SYT1: variants seen among roughly 807,000 people sequenced by gnomAD.
SYT1 encodes the protein synaptotagmin-1.
SYT1 carries 8 observed loss-of-function variants against 44.8 expected under a neutral mutation model. That is an observed-to-expected ratio of 0.18 (90% CI 0.10 to 0.32). The LOEUF (loss-of-function observed/expected upper bound fraction) is 0.32, where lower values mean the gene tolerates loss of function less well. Among genes scored for constraint, SYT1 ranks in the 10% least tolerant of loss-of-function variants. SYT1 has a pLI of 1.00. For synonymous variants in SYT1, 154 were observed against 188.8 expected, an observed-to-expected ratio of 0.82 and a Z score of 1.51; for missense variants, 286 against 509.3, an observed-to-expected ratio of 0.56 and a Z score of 4.22.
rs759645770 is a variant in SYT1, at chr12:79,449,057, C to A, written c.1202C>A (p.Pro401His). ...WSDMLANPRRPIAQWHTLQVE... is the reference protein window; with the variant it reads ...WSDMLANPRRHIAQWHTLQVE... ...GACATGCTGGCCAACCCCAGGCGAC[C>A]TATTGCCCAGTGGCACACCCTGCAG... Residue 401 changes from proline (P) to histidine (H), a missense_variant, in exon 11 of 11, where the codon CCT (proline) becomes CAT (histidine). Pro to His is a moderately conservative substitution (Grantham distance 77, BLOSUM62 -2). This residue lies in a region of SYT1 where 34 missense variants were observed against 59.0 expected (regional missense o/e 0.58). Transcript: ENST00000261205. 1 of 1,614,198 alleles carries A rather than the reference C, an allele frequency of 6.2e-7. No homozygotes were observed. The highest frequency in any genetic ancestry group is 1.1e-5 in the South Asian group (1 of 91,084).
At chr12:79,307,275 G>A (rs1213734139) in intron 8 of SYT1, among the ~76,000 whole-genome samples, 1 of 152,204 alleles carries the variant, frequency 6.6e-6, no homozygotes, top group South Asian at 2.1e-4. Context: ...GAATGCGAGA[G>A]AGAGGAAGCA....
intron 2 of SYT1, among the ~76,000 whole-genome samples, chr12:79,027,877 C>A (rs1240790048): frequency 6.6e-6 from 1 of 151,454 alleles, no homozygotes; most frequent in Non-Finnish European, 1.5e-5. Context: ...TCACATCAAC[C>A]ACCGGCCAAA....
At chr12:79,271,620 AG>A (rs1396467770) in intron 4 of SYT1, among the ~76,000 whole-genome samples, 1 of 152,222 alleles carries the variant, frequency 6.6e-6, no homozygotes, top group Non-Finnish European at 1.5e-5. Flanking sequence ...CCTTGCACAT[AG>A]TAGATGCTCA....
chr12:79,053,052 G>A, intron 3 of SYT1, among the ~76,000 whole-genome samples: 1 of 152,096 alleles, frequency 6.6e-6, no homozygotes, highest in East Asian at 1.9e-4. Flanking sequence ...AAAGACATGT[G>A]CACATGTATG....
At chr12:79,336,604 C>T (rs1882100704) in intron 8 of SYT1, among the ~76,000 whole-genome samples, 1 of 151,974 alleles carries the variant, frequency 6.6e-6, no homozygotes, top group African/African-American at 2.4e-5. Context: ...GGCTTTGGCC[C>T]CCTCTGACCT....
intron 4 of SYT1, among the ~76,000 whole-genome samples, chr12:79,278,999 T>C (rs1049369069): frequency 2.1e-5 from 3 of 140,774 alleles, no homozygotes; most frequent in African/African-American, 7.7e-5. Context: ...AGTCTTGAAA[T>C]TGAATTAATA....
intron 3 of SYT1, among the ~76,000 whole-genome samples, chr12:79,188,509 T>G (rs1872928533): frequency 6.6e-6 from 1 of 152,108 alleles, no homozygotes; most frequent in Admixed American, 6.6e-5. Context: ...TTGACTTCCT[T>G]TATCTTTATT....
At chr12:78,969,859 G>A (rs1215317726) in intron 1 of SYT1, among the ~76,000 whole-genome samples, 3 of 152,160 alleles carry the variant, frequency 2.0e-5, no homozygotes, top group Non-Finnish European at 4.4e-5. Context: ...CTTGGCAGAT[G>A]ATCAAGATTG....
chr12:79,249,621 G>A (rs984436043), intron 4 of SYT1, among the ~76,000 whole-genome samples: 1 of 152,182 alleles, frequency 6.6e-6, no homozygotes, highest in African/African-American at 2.4e-5. Flanking sequence ...TTAGTGCTAA[G>A]TACCTGCAGG....
At chr12:79,191,100 A>AATAT (rs35534550) in intron 3 of SYT1, among the ~76,000 whole-genome samples, 8,043 of 149,730 alleles carry the variant, frequency 0.054, 257 homozygotes, top group Middle Eastern at 0.077. Context: ...CATAAATATA[A>AATAT]ATATATATAT....
chr12:78,903,164 T>C (rs949341993), intron 1 of SYT1, among the ~76,000 whole-genome samples: 2 of 151,926 alleles, frequency 1.3e-5, no homozygotes, highest in African/African-American at 4.8e-5. Context: ...AATTTATCTT[T>C]CAAATAAATG....
Position 78,990,518 on chromosome 12 carries a change from A to G in SYT1, c.-84+12587A>G, listed in dbSNP as rs76557140. Among the ~76,000 whole-genome samples, 524 of 152,284 alleles carry G rather than the reference A, an allele frequency of 3.4e-3. 3 individuals carry two copies. The highest frequency in any genetic ancestry group is 0.027 in the Middle Eastern group (8 of 294). ...TATAGAAAAGACAATGCGAGTTGATATCTACATGTGTTTTTAAGTACAAAT... is the reference window on the plus strand; with the variant it reads ...TATAGAAAAGACAATGCGAGTTGATGTCTACATGTGTTTTTAAGTACAAAT... On this transcript the variant is annotated intron_variant, in intron 2 of 10. Coordinates refer to ENST00000261205, the MANE Select transcript of SYT1 (RefSeq NM_005639.3).
intron 1 of SYT1, among the ~76,000 whole-genome samples, chr12:78,957,624 G>A (rs1879279026): frequency 6.6e-6 from 1 of 152,086 alleles, no homozygotes; most frequent in African/African-American, 2.4e-5. Context: ...CTTTTTAAAG[G>A]AAAAGCTTAT....
chr12:79,355,154 C>T lies in SYT1; in HGVS notation c.928+1535C>T, dbSNP rs143971448. Reference sequence around the variant, plus strand: ...ACTTCTCCACCGTCTGTCCCCTTCTCGTTCAGTGGCATCAGAGAGGCTGGC... The same window carrying T: ...ACTTCTCCACCGTCTGTCCCCTTCTTGTTCAGTGGCATCAGAGAGGCTGGC... On this transcript the variant is annotated intron_variant, in intron 9 of 10. Transcript: ENST00000261205. Among the ~76,000 whole-genome samples the T allele has an allele frequency of 2.0e-4, 31 of 152,256 alleles. No individual in the cohort carries two copies. The East Asian group carries it at 5.0e-3, about 25-fold the overall frequency.
chr12:78,988,699 G>A (rs1340430066), intron 2 of SYT1, among the ~76,000 whole-genome samples: 1 of 152,028 alleles, frequency 6.6e-6, no homozygotes, highest in African/African-American at 2.4e-5. Context: ...GATTTAGATG[G>A]AAATCAAATC....
chr12:79,063,125 A>C (rs1875510968), intron 3 of SYT1, among the ~76,000 whole-genome samples: 1 of 152,158 alleles, frequency 6.6e-6, no homozygotes, highest in Non-Finnish European at 1.5e-5. Flanking sequence ...TATATTTTGC[A>C]TTTCACCTTA....
chr12:78,980,000 A>G (rs1869129180), intron 2 of SYT1, among the ~76,000 whole-genome samples: 1 of 152,152 alleles, frequency 6.6e-6, no homozygotes, highest in Admixed American at 6.6e-5. Context: ...TTACTTTCAG[A>G]AGATACTTTA....
At chr12:78,875,594 C>T (rs578139979) in intron 1 of SYT1, among the ~76,000 whole-genome samples, 1 of 151,580 alleles carries the variant, frequency 6.6e-6, no homozygotes, top group South Asian at 2.1e-4. Flanking sequence ...TTATGTGTTT[C>T]CCGTGCCTTA....
intron 1 of SYT1, among the ~76,000 whole-genome samples, chr12:78,919,014 C>T (rs1027934898): frequency 8.6e-5 from 13 of 151,732 alleles, no homozygotes; most frequent in African/African-American, 2.7e-4. Flanking sequence ...AAGATTATAA[C>T]GAAAATTTTA....
Sources: gnomAD v4.1 joint callset for allele counts (sites outside exome capture counted in the v4.1 genomes callset) on GRCh38, gnomAD v4.1.1 for gene constraint, gnomAD v4.1.1 regional missense constraint, MANE v1.5 for transcripts, NCBI Gene and HGNC (gene_info 2026-07-23, HGNC 2026-07-21) for gene names.